SLC30A8: variants seen among roughly 807,000 people sequenced by gnomAD.
SLC30A8 encodes proton-coupled zinc antiporter SLC30A8.
Under a neutral mutation model 36.9 loss-of-function variants are expected in SLC30A8, and 27 were observed. The ratio of observed to expected loss-of-function variants is 0.73; its 90% CI spans 0.54 to 1.01. The LOEUF is 1.01. Among genes scored for constraint, SLC30A8 ranks in the 50% least tolerant of loss-of-function variants. SLC30A8 has a pLI of 0.00. For synonymous variants in SLC30A8, 164 were observed against 172.4 expected (o/e 0.95, Z 0.38); for missense variants, 439 against 452.0 (o/e 0.97, Z 0.26).
chr8:117,135,319 C>G lies in SLC30A8; in HGVS notation c.-9C>G. 1 of 1,589,638 alleles carries G rather than the reference C, an allele frequency of 6.3e-7. No individual in the cohort carries two copies. Among genetic ancestry groups the G allele is most frequent in the Non-Finnish European group, 8.6e-7 (1 of 1,165,158 alleles). ...ACGACAACAACAGCCGCAGCTCATC[C>G]TGGCCGTCATGGAGTTTCTTGAAAG... On this transcript the variant is annotated 5_prime_UTR_variant, in exon 1 of 8. Transcript: ENST00000456015.
At chr8:117,146,888 G>T (rs184329608) in intron 1 of SLC30A8, 66 bp from the exon 2 acceptor site, 7 of 1,602,418 alleles carry the variant, frequency 4.4e-6, no homozygotes, top group Non-Finnish European at 6.0e-6. Flanking sequence ...GTATGGGCAG[G>T]GTGGGTCAGT....
chr8:117,136,166 G>A (rs1348637762), intron 1 of SLC30A8, among the ~76,000 whole-genome samples: 1 of 151,974 alleles, frequency 6.6e-6, no homozygotes, highest in African/African-American at 2.4e-5. Flanking sequence ...TTTCTCAGAA[G>A]TAATAGGCTA....
intron 1 of SLC30A8, among the ~76,000 whole-genome samples, chr8:116,963,738 T>C (rs1383723719): frequency 4.6e-5 from 7 of 152,234 alleles, no homozygotes; most frequent in Non-Finnish European, 1.5e-5. Flanking sequence ...AAGTTTTCAT[T>C]TGAACACCTG....
At chr8:117,058,259 A>T (rs770830570) in intron 2 of SLC30A8, among the ~76,000 whole-genome samples, 1 of 152,140 alleles carries the variant, frequency 6.6e-6, no homozygotes, top group African/African-American at 2.4e-5. Context: ...GTTGAGTTAC[A>T]TGAATTCCTT....
Position 116,952,850 on chromosome 8 carries a change from TTTTA to T in SLC30A8, c.-266+1749_-266+1752del, listed in dbSNP as rs10644777. Among the ~76,000 whole-genome samples, 297 of 150,188 alleles carry T rather than the reference TTTTA, an allele frequency of 2.0e-3. 4 individuals are homozygous for T. The highest frequency in any genetic ancestry group is 6.8e-3 in the African/African-American group (276 of 40,792). ...GTCTTCCTATTATGACAAAGAAGAA[TTTTA>T]TTTATTTATTTATTTATAATGTCAA... On this transcript the variant is annotated intron_variant, in intron 1 of 10. Coordinates refer to the SLC30A8 transcript ENST00000427715.
At chr8:117,066,797 C>A (rs552253592) in intron 2 of SLC30A8, among the ~76,000 whole-genome samples, 1 of 151,910 alleles carries the variant, frequency 6.6e-6, no homozygotes, top group Non-Finnish European at 1.5e-5. Context: ...TCTCCTGAAG[C>A]CTGAAAGTGA....
intron 2 of SLC30A8, among the ~76,000 whole-genome samples, chr8:117,105,565 T>G (rs1466738610): frequency 3.3e-5 from 5 of 152,146 alleles, no homozygotes; most frequent in Non-Finnish European, 7.3e-5. Flanking sequence ...GGGCCTGGTA[T>G]ATCTGAAATT....
Position 117,109,564 on chromosome 8 carries a change from T to G in SLC30A8, c.-225-25716T>G, listed in dbSNP as rs548422664. Among the ~76,000 whole-genome samples, 375 of 151,658 alleles carry G rather than the reference T, an allele frequency of 2.5e-3. 3 individuals are homozygous for G. The highest frequency in any genetic ancestry group is 0.01 in the Middle Eastern group (3 of 294). ...GGAAAAAAACAAGAGAAGGAACTAATCAGATTTTATAAATTCCTAAGAGCC... is the reference window on the plus strand; with the variant it reads ...GGAAAAAAACAAGAGAAGGAACTAAGCAGATTTTATAAATTCCTAAGAGCC... On this transcript the variant is annotated intron_variant, in intron 2 of 10. Transcript: ENST00000427715.
intron 3 of SLC30A8, among the ~76,000 whole-genome samples, chr8:117,153,342 G>C (rs554272641): frequency 1.3e-5 from 2 of 152,190 alleles, no homozygotes; most frequent in Non-Finnish European, 2.9e-5. Flanking sequence ...AACTGCCCCA[G>C]CCTCAGGGAC....
chr8:117,140,392 G>A (rs1292399353), intron 1 of SLC30A8, among the ~76,000 whole-genome samples: 1 of 152,046 alleles, frequency 6.6e-6, no homozygotes, highest in Non-Finnish European at 1.5e-5. Flanking sequence ...ACACATTCAT[G>A]ATGGTCAACA....
intron 1 of SLC30A8, among the ~76,000 whole-genome samples, chr8:117,010,156 G>A (rs192967430): frequency 6.6e-6 from 1 of 152,314 alleles, no homozygotes; most frequent in East Asian, 1.9e-4. Flanking sequence ...GATAGAGTTG[G>A]AACAGAGGCC....
At chr8:117,106,752 A>G (rs1159830644) in intron 2 of SLC30A8, among the ~76,000 whole-genome samples, 1 of 152,194 alleles carries the variant, frequency 6.6e-6, no homozygotes, top group Admixed American at 6.6e-5. Context: ...GCCTCTAAAA[A>G]TAGAACTCAA....
intron 2 of SLC30A8, among the ~76,000 whole-genome samples, chr8:117,099,270 C>G (rs141531020): frequency 6.6e-6 from 1 of 152,186 alleles, no homozygotes; most frequent in Admixed American, 6.5e-5. Flanking sequence ...TACCTTTTCT[C>G]CCTCCCACCC....
chr8:117,142,319 C>T (rs1201190449), intron 1 of SLC30A8, among the ~76,000 whole-genome samples: 1 of 152,110 alleles, frequency 6.6e-6, no homozygotes, highest in Non-Finnish European at 1.5e-5. Context: ...CTGTAGTCAC[C>T]TCCTAAGGGT....
intron 1 of SLC30A8, among the ~76,000 whole-genome samples, chr8:117,018,542 GCTGTGTTGGATAGCACCA>G (rs1185949624): frequency 1.7e-4 from 26 of 152,152 alleles, no homozygotes; most frequent in Non-Finnish European, 3.7e-4. Context: ...TGATAGCACT[GCTGTGTTGGATAGCACCA>G]CTGTGTTGGA....
At position 117,081,149 on chromosome 8, in the gene SLC30A8, G is replaced by A. The variant is rs541374020; in HGVS notation, c.-226+41891G>A. ...CAAACTGTACTCAGGCAGGTAATGA[G>A]TGAAAAGATCAGGGTGTGGGAGAAA... On this transcript the variant is annotated intron_variant, in intron 2 of 10. Transcript: ENST00000427715. Among the ~76,000 whole-genome samples the A allele has an allele frequency of 2.6e-5, 4 of 152,292 alleles. No individual in the cohort carries two copies. In the South Asian group the frequency reaches 8.3e-4, roughly 32 times the overall value.
chr8:116,961,025 G>A (rs1814399319), intron 1 of SLC30A8, among the ~76,000 whole-genome samples: 1 of 152,122 alleles, frequency 6.6e-6, no homozygotes, highest in Non-Finnish European at 1.5e-5. Context: ...AGGGAGGTGG[G>A]GAGGAAGGGA....
intron 1 of SLC30A8, among the ~76,000 whole-genome samples, chr8:117,013,536 TATTC>T (rs1336172340): frequency 6.6e-6 from 1 of 152,184 alleles, no homozygotes; most frequent in Non-Finnish European, 1.5e-5. Context: ...AAAATATTAA[TATTC>T]ATTCATTTTT....
At chr8:117,134,820 T>C (rs1343373798), upstream of SLC30A8, 2 of 152,160 alleles carry the variant, frequency 1.3e-5, no homozygotes, top group East Asian at 3.9e-4. Flanking sequence ...TGACAGCTGC[T>C]TAGAGGTCAT....
Sources: allele counts gnomAD v4.1 joint callset (sites outside exome capture counted in the v4.1 genomes callset), GRCh38; gene constraint gnomAD v4.1.1; transcripts MANE v1.5; gene names NCBI Gene and HGNC (gene_info 2026-07-23, HGNC 2026-07-21).